Variants in TSPEAR observed in about 807,000 individuals in gnomAD.
TSPEAR encodes thrombospondin type laminin G domain and EAR repeats.
A neutral mutation model predicts 71.6 loss-of-function variants in TSPEAR; 69 were observed. The ratio of observed to expected loss-of-function variants is 0.96; its 90% CI spans 0.79 to 1.18. The LOEUF (loss-of-function observed/expected upper bound fraction) is 1.18, where lower values mean the gene tolerates loss of function less well. Ranked by LOEUF, TSPEAR falls within the 50% of genes most tolerant of loss-of-function variation. The pLI is 0.00. For missense variants in TSPEAR, 971 were observed against 894.9 expected (o/e 1.09, Z -1.09); for synonymous variants, 402 against 387.2 (o/e 1.04, Z -0.45).
chr21:44,508,577 T>C, intron 10 of TSPEAR: 1 of 1,172,446 alleles, frequency 8.5e-7, no homozygotes, highest in African/African-American at 1.6e-5. Flanking sequence ...CTGGTCAGGA[T>C]GGTTGTGGAT....
Position 44,703,098 on chromosome 21 carries a change from C to T in TSPEAR, c.82+8335G>A, listed in dbSNP as rs1296145810. On this transcript the variant is annotated intron_variant, in intron 1 of 11. Coordinates refer to ENST00000323084, the MANE Select transcript of TSPEAR (RefSeq NM_144991.3). The stretch of plus-strand genomic sequence containing the variant: ...TGCCCTTCTCCTCCAAGCCATTGGC[C>T]GCCCTTGCCCACCACGTGCCTTGCA... 5.9e-5 allele frequency among the ~76,000 whole-genome samples: 9 copies of T among 152,240 alleles called. No individual in the cohort carries two copies. The South Asian group carries it at 1.0e-3, about 17-fold the overall frequency.
intron 1 of TSPEAR, chr21:44,579,541 TGGGA>T (rs1343560448): frequency 9.9e-6 from 6 of 607,838 alleles, no homozygotes; most frequent in African/African-American, 9.3e-5. Flanking sequence ...GCAGAGAAGC[TGGGA>T]GGGAGGACAG....
intron 9 of TSPEAR, chr21:44,517,801 A>C (rs2052626313): frequency 2.1e-6 from 1 of 471,120 alleles, no homozygotes; most frequent in African/African-American, 2.0e-5. Context: ...CCGATGGGAA[A>C]TCCCAGGCTG....
At chr21:44,574,813 C>G in intron 1 of TSPEAR, 1 of 1,614,130 alleles carries the variant, frequency 6.2e-7, no homozygotes. Context: ...TGCTGCACCA[C>G]CTCCTGCTGC....
intron 9 of TSPEAR, among the ~76,000 whole-genome samples, chr21:44,514,509 C>T (rs895489687): frequency 6.6e-6 from 1 of 152,190 alleles, no homozygotes; most frequent in African/African-American, 2.4e-5. Flanking sequence ...CTTGTGAGGA[C>T]CCCACATGCC....
chr21:44,695,179 C>G lies in TSPEAR; in HGVS notation c.82+16254G>C, dbSNP rs1231321177. Among the ~76,000 whole-genome samples, 2 of 152,216 alleles carry G rather than the reference C, an allele frequency of 1.3e-5. No individual in the cohort carries two copies. Among genetic ancestry groups the G allele is most frequent in the African/African-American group, 4.8e-5 (2 of 41,452 alleles). ...CCAAACTGTGGGGAACCTATCCAGCCTCCCCCGACCCCACCCCAACTCCTG... is the reference window on the plus strand; with the variant it reads ...CCAAACTGTGGGGAACCTATCCAGCGTCCCCCGACCCCACCCCAACTCCTG... On this transcript the variant is annotated intron_variant, in intron 1 of 11. Transcript: ENST00000323084. The surrounding 1 kb of genome is among the most constrained non-coding windows in gnomAD (Gnocchi z 4.5).
chr21:44,663,771 T>C (rs1555944186), intron 1 of TSPEAR, among the ~76,000 whole-genome samples: 1 of 152,082 alleles, frequency 6.6e-6, no homozygotes. Flanking sequence ...AAGGTCGTGA[T>C]CATGTGAGAT....
chr21:44,651,979 C>A (rs1275277722), intron 1 of TSPEAR, among the ~76,000 whole-genome samples: 2 of 124,514 alleles, frequency 1.6e-5, no homozygotes, highest in Non-Finnish European at 3.3e-5. Context: ...ATAAAACTTT[C>A]TTTTTTTTTT....
chr21:44,572,404 A>G (rs233282), intron 1 of TSPEAR, among the ~76,000 whole-genome samples: 69,086 of 151,920 alleles, frequency 0.45, 16,482 homozygotes, highest in Middle Eastern at 0.53. Flanking sequence ...GGAAGCTGGC[A>G]AAGGGCGATG....
chr21:44,680,717 A>C (rs1180004159), intron 1 of TSPEAR, among the ~76,000 whole-genome samples: 5 of 152,246 alleles, frequency 3.3e-5, no homozygotes, highest in Admixed American at 6.5e-5. Context: ...CATAAAAAAG[A>C]ATGAAGTCCT....
chr21:44,518,879 C>T (rs2052670021), intron 9 of TSPEAR: 2 of 353,602 alleles, frequency 5.7e-6, no homozygotes, highest in South Asian at 4.2e-5. Flanking sequence ...CATGTCAGGG[C>T]ACCAGTATGA....
At position 44,565,099 on chromosome 21, in the gene TSPEAR, G is replaced by A. The variant is rs587681417; in HGVS notation, c.303+2686C>T. Among the ~76,000 whole-genome samples the A allele has an allele frequency of 1.1e-4, 16 of 152,150 alleles. No homozygotes were observed. The South Asian group carries it at 3.3e-3, about 32-fold the overall frequency. On this transcript the variant is annotated intron_variant, in intron 2 of 11. Transcript: ENST00000323084. ...TAAAATCATCAAGATGAATAAAAAT[G>A]AAACCCAAAATACCAGAACTTATGA...
rs1988221198 is a variant in TSPEAR, at chr21:44,711,481, G to A, written c.34C>T (p.Pro12Ser). 1.2e-6 allele frequency: 2 copies of A among 1,612,078 alleles called. No homozygotes were observed. The highest frequency in any genetic ancestry group is 1.7e-6 in the Non-Finnish European group (2 of 1,179,452). ...GTGCCGTGGCCGGGGGCCGCCAGGG[G>A]CAGCACAAAACACAGACTCAGCAGG... is the stretch of plus-strand genomic sequence containing the variant. ...SALLSLCFVL[P>S]LAAPGHGTQG... is the part of the protein sequence containing the mutation. The change falls in exon 1 of 12, where the codon CCC (proline) becomes TCC (serine). Residue 12 changes from proline (P) to serine (S), a missense_variant. By Grantham distance (74) the Pro-to-Ser change is moderately conservative (BLOSUM62 -1). Coordinates refer to ENST00000323084, the MANE Select transcript of TSPEAR (RefSeq NM_144991.3). This position sits in a 1 kb window ranked among gnomAD's most constrained non-coding sequence, Gnocchi z 4.5.
At chr21:44,529,623 T>C (rs983602297) in intron 5 of TSPEAR, among the ~76,000 whole-genome samples, 175 bp downstream of exon 5, 17 of 152,100 alleles carry the variant, frequency 1.1e-4, no homozygotes, top group Admixed American at 2.0e-4. Flanking sequence ...CCTGCCTTCC[T>C]AGGGGTGGGC....
intron 1 of TSPEAR, among the ~76,000 whole-genome samples, chr21:44,704,667 C>G (rs1987825334): frequency 6.6e-6 from 1 of 152,104 alleles, no homozygotes; most frequent in Non-Finnish European, 1.5e-5. Flanking sequence ...CAGGATGGGC[C>G]CACAGGAAAT....
chr21:44,523,586 C>A (rs1395836597), intron 8 of TSPEAR, among the ~76,000 whole-genome samples: 1 of 151,640 alleles, frequency 6.6e-6, no homozygotes, highest in African/African-American at 2.4e-5. Context: ...GTCAGTCAGT[C>A]AGTTCAGTAG....
Position 44,612,279 on chromosome 21 carries a change from G to A in TSPEAR, c.83-44274C>T, listed in dbSNP as rs373726010. 3.0e-5 allele frequency: 49 copies of A among 1,613,440 alleles called. No individual in the cohort carries two copies. Among genetic ancestry groups the A allele is most frequent in the East Asian group, 2.7e-4 (12 of 44,898 alleles). On this transcript the variant is annotated intron_variant, in intron 1 of 11. Transcript: ENST00000323084. The surrounding 1 kb of genome is among the most constrained non-coding windows in gnomAD (Gnocchi z 4.1). ...GAGCCCCGCTCCTGTGCCTCCAGCTGCTGTACCCCTAGCTGCTGTGCCCCA... is the reference window on the plus strand; with the variant it reads ...GAGCCCCGCTCCTGTGCCTCCAGCTACTGTACCCCTAGCTGCTGTGCCCCA...
At chr21:44,523,167 C>T (rs587640450) in intron 8 of TSPEAR, among the ~76,000 whole-genome samples, 2 of 145,526 alleles carry the variant, frequency 1.4e-5, no homozygotes, top group Admixed American at 1.3e-4. Flanking sequence ...GTTGGTCAGT[C>T]AGTCAGCCAG....
At chr21:44,643,485 A>G (rs1461504379) in intron 1 of TSPEAR, among the ~76,000 whole-genome samples, 1 of 152,226 alleles carries the variant, frequency 6.6e-6, no homozygotes, top group Non-Finnish European at 1.5e-5. Flanking sequence ...ATCATCACAC[A>G]ATGTGTACAT....
Sources: gnomAD v4.1 joint callset for allele counts (sites outside exome capture counted in the v4.1 genomes callset) on GRCh38, gnomAD v4.1.1 for gene constraint, Gnocchi (gnomAD v3.1) non-coding constraint, MANE v1.5 for transcripts, NCBI Gene and HGNC (gene_info 2026-07-23, HGNC 2026-07-21) for gene names.